MOG: variants seen among roughly 807,000 people sequenced by gnomAD.
MOG encodes the protein myelin-oligodendrocyte glycoprotein.
Under a neutral mutation model 35.9 loss-of-function variants are expected in MOG, and 20 were observed. The ratio of observed to expected loss-of-function variants is 0.56; its 90% confidence interval spans 0.39 to 0.81. MOG has a LOEUF of 0.81. Among genes scored for constraint, MOG ranks in the 30% least tolerant of loss-of-function variants. The pLI, the probability that MOG is intolerant of heterozygous loss-of-function variation, is 0.00. For missense variants in MOG, 251 were observed against 301.0 expected (o/e 0.83, Z 1.23); for synonymous variants, 92 against 114.3 (o/e 0.80, Z 1.25).
At chr6:29,660,623 CA>C (rs1311240466) in intron 2 of MOG, among the ~76,000 whole-genome samples, 1 of 148,612 alleles carries the variant, frequency 6.7e-6, no homozygotes, top group Non-Finnish European at 1.5e-5. Flanking sequence ...GCAAGTAAAT[CA>C]AATGTCTAAA....
intron 1 of MOG, 27 bp from the exon 2 acceptor site, chr6:29,659,292 A>G (rs1276069489): frequency 6.2e-7 from 1 of 1,611,376 alleles, no homozygotes; most frequent in South Asian, 1.1e-5. Flanking sequence ...CTGACCTTAA[A>G]TCTCTTCCTT....
chr6:29,671,764 C>CAAGGAGGAG lies in MOG; in HGVS notation c.*579_*580insAAGGAGGAG, dbSNP rs1771510291. The CAAGGAGGAG allele has an allele frequency of 2.3e-6, 1 of 433,170 alleles. No individual in the cohort carries two copies. The highest frequency in any genetic ancestry group is 4.1e-6 in the Non-Finnish European group (1 of 243,444). 26.8% of individuals were successfully genotyped at this position (433,170 alleles called of 1,614,324 possible). ...CTACAGAATACTAGCCAGAGCTCCTCCTTGTCTTGGCAGCCTACTAGGGAC... is the reference window on the plus strand; with the variant it reads ...CTACAGAATACTAGCCAGAGCTCCTCAAGGAGGAGCTTGTCTTGGCAGCCTACTAGGGAC... On this transcript the variant is annotated 3_prime_UTR_variant, in exon 8 of 8. Transcript: ENST00000376917.
rs141138147 is a variant in MOG at position 29,671,960 on chromosome 6, G to A, written c.*775G>A. 345 of 161,606 alleles carry A rather than the reference G, an allele frequency of 2.1e-3. 8 individuals are homozygous for A. Among genetic ancestry groups the A allele is most frequent in the Middle Eastern group, 0.013 (4 of 304 alleles). The allele number at this position is 161,606 out of a possible 1,614,324, so 10.0% of individuals were successfully genotyped here. On this transcript the variant is annotated 3_prime_UTR_variant, in exon 8 of 8. Coordinates refer to ENST00000376917, the MANE Select transcript of MOG (RefSeq NM_206809.4). Reference sequence around the variant, plus strand: ...TTCAACAACTACTACTTGATGGTCAGACACAAACAAACAAGCTAGGTGCTA... The same window carrying A: ...TTCAACAACTACTACTTGATGGTCAAACACAAACAAACAAGCTAGGTGCTA...
intron 2 of MOG, chr6:29,661,569 C>A (rs753515107): frequency 4.1e-5 from 40 of 983,468 alleles, no homozygotes; most frequent in Non-Finnish European, 4.8e-5. Flanking sequence ...ACCTATAATC[C>A]CAAAACTTTG....
At chr6:29,664,938 A>T (rs190489782) in intron 2 of MOG, among the ~76,000 whole-genome samples, 18 of 152,202 alleles carry the variant, frequency 1.2e-4, no homozygotes, top group Admixed American at 1.2e-3. Flanking sequence ...ACACCAAATA[A>T]AACATTTATA....
At chr6:29,664,573 G>A (rs2857784) in intron 2 of MOG, 13,807 of 445,964 alleles carry the variant, frequency 0.031, 572 homozygotes, top group African/African-American at 0.14. Flanking sequence ...TGCACCTTCC[G>A]CAAGCTGATG....
At chr6:29,658,602 G>A (rs1767704341) in intron 1 of MOG, among the ~76,000 whole-genome samples, 1 of 152,164 alleles carries the variant, frequency 6.6e-6, no homozygotes, top group African/African-American at 2.4e-5. Flanking sequence ...CAGCAATTTG[G>A]CCAAGTCCTA....
At chr6:29,668,990 C>T (rs977291611) in intron 5 of MOG, among the ~76,000 whole-genome samples, 7 of 150,714 alleles carry the variant, frequency 4.6e-5, no homozygotes, top group East Asian at 3.9e-4. Flanking sequence ...TGCAATGGCG[C>T]GATCTAGGCT....
In MOG at chr6:29,670,255, C is replaced by G; in HGVS notation, c.593-26C>G. The G allele has an allele frequency of 6.2e-7, 1 of 1,614,144 alleles. No individual in the cohort carries two copies. Among genetic ancestry groups the G allele is most frequent in the Non-Finnish European group, 8.5e-7 (1 of 1,180,042 alleles). On this transcript the variant is annotated intron_variant, in intron 5 of 7. Transcript: ENST00000376917. The surrounding 1 kb of genome is among the most constrained non-coding windows in gnomAD (Gnocchi z 4.2). ...GGCATGAGGGGGAACACATGTTAACCCTGTTTGTTCTGGTGAACAATTCAG... is the reference window on the plus strand; with the variant it reads ...GGCATGAGGGGGAACACATGTTAACGCTGTTTGTTCTGGTGAACAATTCAG...
intron 5 of MOG, among the ~76,000 whole-genome samples, chr6:29,669,506 G>A (rs1260436367): frequency 2.0e-5 from 3 of 151,376 alleles, no homozygotes; most frequent in Non-Finnish European, 4.4e-5. Context: ...GGCCAGGCTG[G>A]TCTTGAACCC....
chr6:29,660,757 C>T (rs1451124740), intron 2 of MOG, among the ~76,000 whole-genome samples: 1 of 147,128 alleles, frequency 6.8e-6, no homozygotes, highest in Non-Finnish European at 1.5e-5. Context: ...CACAGAGTCT[C>T]GCTCTGTCAC....
Position 29,670,049 on chromosome 6 carries a change from A to C in MOG, c.593-232A>C. On this transcript the variant is annotated intron_variant, in intron 5 of 7. Transcript: ENST00000376917. This position sits in a 1 kb window ranked among gnomAD's most constrained non-coding sequence, Gnocchi z 4.2. ...CTCCCAGAGTGTTGGGATTACAGGC[A>C]TGAGCCACCACACCTGGCAGTTGTT... 1 of 777,512 alleles carries C rather than the reference A, an allele frequency of 1.3e-6. No homozygotes were observed. Among genetic ancestry groups the C allele is most frequent in the Admixed American group, 2.0e-5 (1 of 50,016 alleles). The allele number at this position is 777,512 out of a possible 1,614,324, so 48.2% of individuals were successfully genotyped here.
At chr6:29,659,750 C>T in intron 2 of MOG, 84 bp downstream of exon 2, 4 of 1,091,138 alleles carry the variant, frequency 3.7e-6, no homozygotes, top group Non-Finnish European at 2.8e-6. Context: ...GATCCCTCAA[C>T]CCAAACATCT....
chr6:29,657,663 CTTTTTTTTTTTTT>C (rs9278226), intron 1 of MOG, among the ~76,000 whole-genome samples: 2 of 110,048 alleles, frequency 1.8e-5, no homozygotes, highest in African/African-American at 7.0e-5. Context: ...TTTTTCTTTT[CTTTTTTTTTTTTT>C]TTTTTTTTGT....
chr6:29,665,304 C>T (rs970323326), intron 2 of MOG, among the ~76,000 whole-genome samples: 18 of 151,834 alleles, frequency 1.2e-4, no homozygotes, highest in Non-Finnish European at 2.1e-4. Flanking sequence ...CCATGTTGGT[C>T]AGGCTGGTCT....
At chr6:29,663,846 G>A in intron 2 of MOG, 1 of 543,528 alleles carries the variant, frequency 1.8e-6, no homozygotes, top group Non-Finnish European at 2.3e-6. Context: ...GGAACACAAT[G>A]ATAGACAGGA....
chr6:29,659,238 T>C (rs987893743), intron 1 of MOG, 81 bp from the exon 2 acceptor site: 14 of 1,319,860 alleles, frequency 1.1e-5, no homozygotes, highest in Non-Finnish European at 1.5e-5. Context: ...TTCCCTGTTT[T>C]GAAGCAGCCC....
chr6:29,667,597 G>C (rs1001354065), intron 3 of MOG, 46 bp from the exon 4 acceptor site: 2 of 1,612,924 alleles, frequency 1.2e-6, no homozygotes, highest in Non-Finnish European at 1.7e-6. Context: ...TCCCCACCGA[G>C]AGCCAGAACA....
At chr6:29,669,217 G>A (rs538221943) in intron 5 of MOG, among the ~76,000 whole-genome samples, 198 of 147,218 alleles carry the variant, frequency 1.3e-3, no homozygotes, top group Non-Finnish European at 2.3e-3. Context: ...CACCGTGCCC[G>A]GCCATAAATA....
Sources: allele counts gnomAD v4.1 joint callset (sites outside exome capture counted in the v4.1 genomes callset), GRCh38; gene constraint gnomAD v4.1.1; non-coding constraint Gnocchi (gnomAD v3.1); transcripts MANE v1.5; gene names NCBI Gene and HGNC (gene_info 2026-07-23, HGNC 2026-07-21).